Variants in MNAT1 observed in about 807,000 individuals in gnomAD.
MNAT1 encodes the protein MNAT1 component of CDK activating kinase, also known as CDK-activating kinase assembly factor MAT1.
Under a neutral mutation model 42.0 loss-of-function variants are expected in MNAT1, and 43 were observed. The ratio of observed to expected loss-of-function variants is 1.02; its 90% confidence interval spans 0.80 to 1.32. The LOEUF (loss-of-function observed/expected upper bound fraction) is 1.32, where lower values mean the gene tolerates loss of function less well. Ranked by LOEUF, MNAT1 falls within the 40% of genes most tolerant of loss-of-function variation. The pLI, the probability that MNAT1 is intolerant of heterozygous loss-of-function variation, is 0.00. For synonymous variants in MNAT1, 118 were observed against 120.0 expected, an observed-to-expected ratio of 0.98 and a Z score of 0.11; for missense variants, 306 against 350.4, an observed-to-expected ratio of 0.87 and a Z score of 1.01.
intron 1 of MNAT1, among the ~76,000 whole-genome samples, chr14:60,787,831 C>T (rs953518665): frequency 1.3e-5 from 2 of 152,170 alleles, no homozygotes; most frequent in East Asian, 1.9e-4. Flanking sequence ...TCAGGCTCCA[C>T]TTCTAATTCT....
intron 1 of MNAT1, among the ~76,000 whole-genome samples, chr14:60,735,346 A>T (rs957348210): frequency 1.3e-5 from 2 of 152,180 alleles, no homozygotes; most frequent in African/African-American, 4.8e-5. Context: ...GAAAACTTAA[A>T]ATTTGCTTGA....
chr14:60,783,518 C>T (rs988891394), intron 1 of MNAT1, among the ~76,000 whole-genome samples: 2 of 152,106 alleles, frequency 1.3e-5, no homozygotes, highest in Non-Finnish European at 2.9e-5. Flanking sequence ...GTATTATTAC[C>T]AGCAAAGCTG....
chr14:60,850,883 C>CA (rs2033806417), intron 6 of MNAT1, among the ~76,000 whole-genome samples: 1 of 151,892 alleles, frequency 6.6e-6, no homozygotes, highest in Admixed American at 6.6e-5. Flanking sequence ...GTTAAGTTGT[C>CA]AAAAAACAAA....
rs200376544 is a variant in MNAT1 at position 60,941,959 on chromosome 14, G to A, written c.810-26270G>A. ...GCGGAACTTGCAGTGAGCCGAGATC[G>A]CACCACTGTACTCCAGCCTGGGCGA... On this transcript the variant is annotated intron_variant, in intron 7 of 7. Coordinates refer to ENST00000261245, the MANE Select transcript of MNAT1 (RefSeq NM_002431.4). Among the ~76,000 whole-genome samples the A allele has an allele frequency of 2.5e-4, 29 of 113,954 alleles. No homozygotes were observed. In the East Asian group the frequency reaches 8.5e-3, roughly 33 times the overall value. The allele number at this position is 113,954 out of a possible 152,430, so 74.8% of individuals were successfully genotyped here.
intron 1 of MNAT1, among the ~76,000 whole-genome samples, chr14:60,759,449 TGAG>T (rs1283795916): frequency 1.3e-5 from 2 of 152,158 alleles, no homozygotes; most frequent in South Asian, 4.1e-4. Flanking sequence ...CATGTAAAAA[TGAG>T]GAGACATCAT....
intron 6 of MNAT1, among the ~76,000 whole-genome samples, chr14:60,846,070 C>T (rs1445602270): frequency 6.6e-6 from 1 of 151,974 alleles, no homozygotes; most frequent in African/African-American, 2.4e-5. Flanking sequence ...AGCCTATTCA[C>T]ACTTCCTTTT....
chr14:60,869,917 G>T (rs2034292532), intron 6 of MNAT1, among the ~76,000 whole-genome samples: 1 of 152,026 alleles, frequency 6.6e-6, no homozygotes, highest in Non-Finnish European at 1.5e-5. Flanking sequence ...AAGATACTCT[G>T]CTCTTTATTT....
At chr14:60,911,599 A>T (rs2035365633) in intron 7 of MNAT1, among the ~76,000 whole-genome samples, 1 of 152,130 alleles carries the variant, frequency 6.6e-6, no homozygotes, top group Admixed American at 6.5e-5. Flanking sequence ...GTTCAGGAGC[A>T]GGTTGTTCAG....
chr14:60,844,358 A>G (rs1308392771), intron 6 of MNAT1, among the ~76,000 whole-genome samples: 1 of 152,084 alleles, frequency 6.6e-6, no homozygotes, highest in Non-Finnish European at 1.5e-5. Flanking sequence ...CTACATGTAC[A>G]TGGTATGCTT....
At chr14:60,849,481 G>T (rs960644860) in intron 6 of MNAT1, among the ~76,000 whole-genome samples, 1 of 152,080 alleles carries the variant, frequency 6.6e-6, no homozygotes, top group Admixed American at 6.5e-5. Flanking sequence ...TTTAGTATAC[G>T]CCTAAAGTCA....
intron 6 of MNAT1, among the ~76,000 whole-genome samples, chr14:60,832,845 T>C (rs1052238025): frequency 6.6e-6 from 1 of 152,190 alleles, no homozygotes; most frequent in Non-Finnish European, 1.5e-5. Context: ...TGTCCTCTCT[T>C]ATTTCCTTGA....
At chr14:60,853,054 T>G (rs1259223283) in intron 6 of MNAT1, among the ~76,000 whole-genome samples, 3 of 152,254 alleles carry the variant, frequency 2.0e-5, no homozygotes, top group Non-Finnish European at 4.4e-5. Context: ...CATATGAAAT[T>G]TAAGTAGTGT....
At chr14:60,877,694 T>C (rs1022826845) in intron 6 of MNAT1, among the ~76,000 whole-genome samples, 1 of 152,034 alleles carries the variant, frequency 6.6e-6, no homozygotes, top group East Asian at 1.9e-4. Flanking sequence ...ACACAGACTA[T>C]ATAAAATGTA....
intron 4 of MNAT1, 37 bp downstream of exon 4, chr14:60,808,465 G>C (rs761727936): frequency 8.0e-7 from 1 of 1,251,570 alleles, no homozygotes; most frequent in South Asian, 1.4e-5. Flanking sequence ...TTTTGTCTTA[G>C]AAACAAATGT....
rs2036280229 is a variant in MNAT1, at chr14:60,946,542, TC to T, written c.810-21686del. 3.9e-5 allele frequency among the ~76,000 whole-genome samples: 6 copies of T among 152,302 alleles called. No individual in the cohort carries two copies. In the South Asian group the frequency reaches 1.2e-3, roughly 32 times the overall value. On this transcript the variant is annotated intron_variant, in intron 7 of 7. Transcript: ENST00000261245. The stretch of plus-strand genomic sequence containing the variant: ...TTTGTTTTTGTTTTTGTTTTTTTTT[TC>T]TTCCTCTGATTTCTTCTGAATCCTT...
intron 1 of MNAT1, among the ~76,000 whole-genome samples, chr14:60,771,841 A>C (rs1357493191): frequency 6.6e-6 from 1 of 152,202 alleles, no homozygotes; most frequent in South Asian, 2.1e-4. Flanking sequence ...CTGCTACATG[A>C]TGGGCACCTA....
intron 7 of MNAT1, among the ~76,000 whole-genome samples, chr14:60,959,507 G>T (rs377016387): frequency 8.4e-6 from 1 of 119,590 alleles, no homozygotes; most frequent in Non-Finnish European, 1.8e-5. Context: ...CTTTCATCCT[G>T]CTCTCCATTG....
In MNAT1 at chr14:60,734,896, A is replaced by G; in HGVS notation, c.34A>G (p.Thr12Ala). 1 of 1,614,182 alleles carries G rather than the reference A, an allele frequency of 6.2e-7. No individual in the cohort carries two copies. Among genetic ancestry groups the G allele is most frequent in the Non-Finnish European group, 8.5e-7 (1 of 1,180,040 alleles). The change falls in exon 1 of 8, where the codon ACC (threonine) becomes GCC (alanine). Residue 12 changes from threonine to alanine, a missense_variant. Physicochemically the swap from Thr to Ala is moderately conservative, Grantham distance 58 (BLOSUM62 0). Around this residue, in one of 3 missense-constraint regions of MNAT1, gnomAD observed 72 missense variants for 111.0 expected, o/e 0.65. Transcript: ENST00000261245. This position sits in a 1 kb window ranked among gnomAD's most constrained non-coding sequence, Gnocchi z 4.3. ...TCAGGGTTGCCCTCGGTGTAAGACCACCAAATATCGGAACCCCTCCTTGAA... is the reference window on the plus strand; with the variant it reads ...TCAGGGTTGCCCTCGGTGTAAGACCGCCAAATATCGGAACCCCTCCTTGAA... ...DDQGCPRCKT[T>A]KYRNPSLKLM...
At chr14:60,750,965 A>G (rs778844731) in intron 1 of MNAT1, among the ~76,000 whole-genome samples, 1 of 152,244 alleles carries the variant, frequency 6.6e-6, no homozygotes, top group East Asian at 1.9e-4. Flanking sequence ...AAGTTTGTGC[A>G]AAAGTACAGC....
Sources: allele counts gnomAD v4.1 joint callset (sites outside exome capture counted in the v4.1 genomes callset), GRCh38; gene constraint gnomAD v4.1.1; regional missense constraint gnomAD v4.1.1; non-coding constraint Gnocchi (gnomAD v3.1); transcripts MANE v1.5; gene names NCBI Gene and HGNC (gene_info 2026-07-23, HGNC 2026-07-21).